Variants in ERC1 observed in about 807,000 individuals in gnomAD.
ERC1 encodes ELKS/RAB6-interacting/CAST family member 1.
In ERC1, 56 loss-of-function variants were observed where a neutral mutation model predicts 132.0. That is an observed-to-expected ratio of 0.42 (90% CI 0.34 to 0.53). ERC1 has a LOEUF of 0.53. Ranked by LOEUF, ERC1 falls within the 20% of genes least tolerant of loss-of-function variation. The probability of loss-of-function intolerance (pLI) is 0.03; values close to 1 mark genes in which losing one functional copy is unlikely to be tolerated. For missense variants in ERC1, 1,202 were observed against 1,349.9 expected, an observed-to-expected ratio of 0.89 and a Z score of 1.72; for synonymous variants, 478 against 476.1, an observed-to-expected ratio of 1.00 and a Z score of -0.05.
At chr12:1,017,171 A>C (rs1424899099) in intron 1 of ERC1, among the ~76,000 whole-genome samples, 1 of 151,404 alleles carries the variant, frequency 6.6e-6, no homozygotes, top group Non-Finnish European at 1.5e-5. Flanking sequence ...TAATTTTTGT[A>C]TTTTTAGTAG....
chr12:1,261,559 G>T (rs919163466), intron 13 of ERC1, among the ~76,000 whole-genome samples: 1 of 152,098 alleles, frequency 6.6e-6, no homozygotes. Flanking sequence ...GACGGGCATC[G>T]TTCCTTGTCT....
At chr12:1,006,295 C>T (rs548926075) in intron 1 of ERC1, among the ~76,000 whole-genome samples, 32 of 152,156 alleles carry the variant, frequency 2.1e-4, no homozygotes, top group Non-Finnish European at 3.5e-4. Context: ...TTTTCTCGCT[C>T]AGGCTGGAGC....
At chr12:1,227,235 A>G (rs1342362778) in intron 12 of ERC1, among the ~76,000 whole-genome samples, 1 of 152,212 alleles carries the variant, frequency 6.6e-6, no homozygotes, top group African/African-American at 2.4e-5. Flanking sequence ...GTGCCAGTTT[A>G]CACTCCCACC....
chr12:1,219,153 A>AT (rs1430337436), intron 12 of ERC1, among the ~76,000 whole-genome samples: 9 of 152,132 alleles, frequency 5.9e-5, no homozygotes, highest in Admixed American at 4.6e-4. Flanking sequence ...AATTACAGGC[A>AT]TGAGCCACCA....
At chr12:1,370,905 G>A (rs1365828484) in intron 15 of ERC1, among the ~76,000 whole-genome samples, 1 of 152,090 alleles carries the variant, frequency 6.6e-6, no homozygotes, top group Non-Finnish European at 1.5e-5. Flanking sequence ...TTTTTGTATG[G>A]TTTTGCCATG....
At chr12:1,429,695 C>A (rs2092736700) in intron 17 of ERC1, among the ~76,000 whole-genome samples, 1 of 152,180 alleles carries the variant, frequency 6.6e-6, no homozygotes, top group East Asian at 1.9e-4. Flanking sequence ...AAACCCAGGT[C>A]TCCAGAGAGA....
At chr12:1,137,462 C>T (rs912184018) in intron 7 of ERC1, among the ~76,000 whole-genome samples, 1 of 152,062 alleles carries the variant, frequency 6.6e-6, no homozygotes, top group African/African-American at 2.4e-5. Flanking sequence ...CGCTGAGTCA[C>T]AGTTTTATCA....
chr12:1,091,123 A>G (rs1366984864), intron 3 of ERC1, among the ~76,000 whole-genome samples: 1 of 152,154 alleles, frequency 6.6e-6, no homozygotes, highest in East Asian at 1.9e-4. Context: ...TCCTGACCTC[A>G]GGTGATCTGC....
chr12:1,456,187 T>C (rs926382131), intron 18 of ERC1, among the ~76,000 whole-genome samples: 5 of 152,212 alleles, frequency 3.3e-5, no homozygotes, highest in Non-Finnish European at 7.3e-5. Flanking sequence ...ATTTGGGGCG[T>C]AATATTGTTC....
chr12:1,218,640 CTT>C (rs1958648442), intron 12 of ERC1, among the ~76,000 whole-genome samples: 1 of 152,046 alleles, frequency 6.6e-6, no homozygotes, highest in Non-Finnish European at 1.5e-5. Context: ...CCCATCTTAA[CTT>C]TACCTTTCAG....
rs985219139 is a variant in ERC1 at position 1,397,651 on chromosome 12, T to C, written c.2926-10498T>C. Among the ~76,000 whole-genome samples the C allele has an allele frequency of 3.3e-5, 5 of 151,994 alleles. No individual in the cohort carries two copies. The South Asian group carries it at 8.3e-4, about 25-fold the overall frequency. On this transcript the variant is annotated intron_variant, in intron 16 of 18. Coordinates refer to ENST00000360905, the MANE Select transcript of ERC1 (RefSeq NM_178040.4). The stretch of plus-strand genomic sequence containing the variant: ...TGCTAATAATTGCAAGAAGAAACAA[T>C]TGAAAGACAAATCAAAAATTTACCC...
intron 7 of ERC1, among the ~76,000 whole-genome samples, chr12:1,123,250 T>G (rs1947782728): frequency 6.6e-6 from 1 of 151,984 alleles, no homozygotes; most frequent in Non-Finnish European, 1.5e-5. Context: ...ATGGAATGTA[T>G]AAGTTTCAAA....
intron 17 of ERC1, chr12:1,444,340 T>C (rs964943718): frequency 4.7e-6 from 2 of 421,880 alleles, no homozygotes; most frequent in South Asian, 4.2e-5. Context: ...CAGCGTTCTC[T>C]TCCTGTCTCC....
At chr12:1,211,470 A>G (rs1349056612) in intron 12 of ERC1, among the ~76,000 whole-genome samples, 2 of 151,930 alleles carry the variant, frequency 1.3e-5, no homozygotes. Context: ...TTAAAAGGAA[A>G]GTACTTTGCA....
At chr12:1,434,475 A>G (rs1192859803) in intron 17 of ERC1, among the ~76,000 whole-genome samples, 1 of 152,152 alleles carries the variant, frequency 6.6e-6, no homozygotes, top group African/African-American at 2.4e-5. Flanking sequence ...ACCCCTTGGA[A>G]CTTCCTTCTG....
At position 1,295,094 on chromosome 12, in the gene ERC1, G is replaced by A. The variant is rs193074173; in HGVS notation, c.2780+5082G>A. On this transcript the variant is annotated intron_variant, in intron 15 of 18. Transcript: ENST00000360905. ...CTTAGACCCACCTCATGAAGTTGTT[G>A]TACGGATCAAATGAGATTTTAAAAA... Among the ~76,000 whole-genome samples, 55 of 152,282 alleles carry A rather than the reference G, an allele frequency of 3.6e-4. 1 individual carries two copies. Among genetic ancestry groups the A allele is most frequent in the African/African-American group, 1.3e-3 (55 of 41,566 alleles).
At chr12:1,036,153 G>A (rs187133989) in intron 2 of ERC1, among the ~76,000 whole-genome samples, 37 of 152,110 alleles carry the variant, frequency 2.4e-4, no homozygotes, top group African/African-American at 7.5e-4. Context: ...TGCCTTGTGT[G>A]TTGTGTTTCT....
At chr12:1,152,954 G>A (rs1400109046) in intron 8 of ERC1, 1 of 152,396 alleles carries the variant, frequency 6.6e-6, no homozygotes, top group Admixed American at 6.5e-5. Flanking sequence ...GAGATCTCTA[G>A]CCCCTGGAAG....
intron 15 of ERC1, among the ~76,000 whole-genome samples, chr12:1,327,841 A>ATT (rs113400728): frequency 3.9e-4 from 57 of 146,952 alleles, no homozygotes; most frequent in African/African-American, 1.2e-3. Context: ...TCATCTCATC[A>ATT]TTTTTTTTTT....
Sources: gnomAD v4.1 joint callset for allele counts (sites outside exome capture counted in the v4.1 genomes callset) on GRCh38, gnomAD v4.1.1 for gene constraint, MANE v1.5 for transcripts, NCBI Gene and HGNC (gene_info 2026-07-23, HGNC 2026-07-21) for gene names.